The following LUC7L variants were observed in gnomAD, a reference collection of about 807,000 sequenced individuals.
The protein encoded by LUC7L is putative RNA-binding protein Luc7-like 1.
Under a neutral mutation model 51.1 loss-of-function variants are expected in LUC7L, and 29 were observed. The observed-to-expected ratio is 0.57, with a 90% CI of 0.42 to 0.77. The LOEUF (loss-of-function observed/expected upper bound fraction) is 0.77, where lower values mean the gene tolerates loss of function less well. Among genes scored for constraint, LUC7L ranks in the 30% least tolerant of loss-of-function variants. The probability of loss-of-function intolerance (pLI) is 0.00; values close to 1 mark genes in which losing one functional copy is unlikely to be tolerated. For synonymous variants in LUC7L, 181 were observed against 180.7 expected, an observed-to-expected ratio of 1.00 and a Z score of -0.01; for missense variants, 403 against 511.9, an observed-to-expected ratio of 0.79 and a Z score of 2.05.
chr16:222,520 C>T (rs891220380), intron 2 of LUC7L, among the ~76,000 whole-genome samples: 1 of 151,928 alleles, frequency 6.6e-6, no homozygotes, highest in African/African-American at 2.4e-5. Context: ...TGCCTGTAGT[C>T]CCAGCCACTT....
chr16:225,966 G>A (rs748888960), intron 2 of LUC7L, among the ~76,000 whole-genome samples: 1 of 151,012 alleles, frequency 6.6e-6, no homozygotes, highest in African/African-American at 2.4e-5. Context: ...TTCACTATGG[G>A]TTTATCAAGA....
In LUC7L at chr16:206,097, T is replaced by A. The variant is rs1463698803; in HGVS notation, c.417A>T (p.Lys139Asn). Reference protein sequence around the residue: ...LNEEIGKLLAKAEQLGAEGNV... With the variant: ...LNEEIGKLLANAEQLGAEGNV... The stretch of plus-strand genomic sequence containing the variant: ...TACCTTCAGCCCCTAGCTGTTCGGC[T>A]TTAGCAAGGAGTTTTCCTATTTCTT... The change falls in exon 5 of 10, where the codon AAA becomes AAT. Residue 139 changes from lysine (K) to asparagine (N), a missense_variant. By Grantham distance (94) the Lys-to-Asn change is moderately conservative. Transcript: ENST00000293872. The A allele has an allele frequency of 1.2e-6, 2 of 1,613,786 alleles. No homozygotes were observed. Among genetic ancestry groups the A allele is most frequent in the Non-Finnish European group, 1.7e-6 (2 of 1,179,946 alleles).
At chr16:217,718 A>G (rs891373721) in intron 3 of LUC7L, among the ~76,000 whole-genome samples, 4 of 127,490 alleles carry the variant, frequency 3.1e-5, no homozygotes, top group Non-Finnish European at 6.8e-5. Flanking sequence ...AAAAAAAAAA[A>G]AAATTTTTTT....
At chr16:219,474 A>C (rs976099652) in intron 3 of LUC7L, among the ~76,000 whole-genome samples, 16 of 152,204 alleles carry the variant, frequency 1.1e-4, no homozygotes, top group Admixed American at 1.0e-3. Context: ...CTAGCTATTT[A>C]GGAGACTGTG....
chr16:227,864 C>T (rs1213191346), intron 1 of LUC7L: 8 of 1,000,490 alleles, frequency 8.0e-6, no homozygotes, highest in Non-Finnish European at 8.4e-6. Flanking sequence ...ACGTCCCTTT[C>T]GTTCCCACCC....
intron 3 of LUC7L, 30 bp from the exon 4 acceptor site, chr16:208,218 CA>C: frequency 6.8e-7 from 1 of 1,477,250 alleles, no homozygotes; most frequent in Non-Finnish European, 9.5e-7. Flanking sequence ...GCGCTATAAT[CA>C]ATGATGTGTA....
chr16:189,248 C>A lies in LUC7L; in HGVS notation c.1066G>T (p.Gly356Trp). 9 of 1,614,048 alleles carry A rather than the reference C, an allele frequency of 5.6e-6. No individual in the cohort carries two copies. Among genetic ancestry groups the A allele is most frequent in the Non-Finnish European group, 7.6e-6 (9 of 1,180,004 alleles). ...TCTGACCTCCGTGAAGCCATCTTCC[C>A]GTTGGAGCTCTCAAGCCTCCAGTCC... The part of the protein sequence containing the change: ...PPDWRLESSN[G>W]KMASRRSEEK... Residue 356 changes from glycine to tryptophan, a missense_variant, in exon 10 of 10, where the codon GGG (glycine) becomes TGG (tryptophan). By Grantham distance (184) the Gly-to-Trp change is radical (BLOSUM62 -2). Coordinates refer to ENST00000293872, the MANE Select transcript of LUC7L (RefSeq NM_201412.3).
intron 2 of LUC7L, among the ~76,000 whole-genome samples, chr16:224,196 C>G (rs1019428491): frequency 1.3e-5 from 2 of 152,144 alleles, no homozygotes; most frequent in African/African-American, 2.4e-5. Flanking sequence ...TTATAAAAAA[C>G]TCAACTGTCA....
At position 220,527 on chromosome 16, in the gene LUC7L, G is replaced by A. The variant is rs1251618708; in HGVS notation, c.255+122C>T. 2.6e-5 allele frequency: 19 copies of A among 726,984 alleles called. No individual in the cohort carries two copies. The South Asian group carries it at 2.8e-4, about 11-fold the overall frequency. The allele number at this position is 726,984 out of a possible 1,614,324, so 45.0% of individuals were successfully genotyped here. A position where few individuals can be genotyped will look rare whatever the true frequency, so the allele number is the denominator to read the frequency against. ...CTGTATTCTAGCTCTGAGCTTGAGT[G>A]GCAGGATAACAAGCAACTACCTTAT... is the stretch of plus-strand genomic sequence containing the variant. On this transcript the variant is annotated intron_variant, in intron 3 of 9. Coordinates refer to ENST00000293872, the MANE Select transcript of LUC7L (RefSeq NM_201412.3).
intron 5 of LUC7L, among the ~76,000 whole-genome samples, chr16:201,170 G>GA (rs36033830): frequency 0.73 from 51,341 of 70,254 alleles, 18,395 homozygotes; most frequent in South Asian, 0.8. Flanking sequence ...CTCTGTCTGA[G>GA]AAAAAAAAAA....
intron 6 of LUC7L, among the ~76,000 whole-genome samples, chr16:194,958 C>T (rs1166472807): frequency 3.3e-5 from 5 of 152,238 alleles, no homozygotes; most frequent in South Asian, 4.2e-4. Context: ...CAGAGAGCCA[C>T]GATGGCATAA....
intron 2 of LUC7L, among the ~76,000 whole-genome samples, chr16:226,052 T>C (rs1189073934): frequency 6.6e-6 from 1 of 152,180 alleles, no homozygotes; most frequent in Non-Finnish European, 1.5e-5. Context: ...TAATCTGTAT[T>C]GACCTCGGTA....
chr16:229,066 C>T, intron 1 of LUC7L: 2 of 1,417,622 alleles, frequency 1.4e-6, no homozygotes, highest in Non-Finnish European at 1.8e-6. Context: ...ATGGCGCAGA[C>T]TCCGAGAGAG....
intron 5 of LUC7L, among the ~76,000 whole-genome samples, chr16:200,539 G>T (rs2049294359): frequency 6.6e-6 from 1 of 151,662 alleles, no homozygotes; most frequent in African/African-American, 2.4e-5. Flanking sequence ...TCACACCACT[G>T]CATTCCAACC....
intron 1 of LUC7L, 175 bp downstream of exon 1, chr16:229,104 C>T (rs966206946): frequency 6.4e-6 from 9 of 1,414,182 alleles, no homozygotes; most frequent in Non-Finnish European, 8.2e-6. Context: ...ACGGCCGCCT[C>T]AGAGACGCAC....
intron 5 of LUC7L, among the ~76,000 whole-genome samples, chr16:204,098 T>C (rs899939073): frequency 6.6e-6 from 1 of 151,778 alleles, no homozygotes; most frequent in African/African-American, 2.4e-5. Context: ...GGTAGAAATC[T>C]AACAAAACAT....
intron 1 of LUC7L, 137 bp downstream of exon 1, chr16:229,142 G>A (rs2050207909): frequency 2.1e-6 from 3 of 1,411,000 alleles, no homozygotes; most frequent in Admixed American, 3.3e-5. Context: ...CGGCGCCTGC[G>A]GTCGGAGCGC....
At chr16:219,835 C>T (rs985588610) in intron 3 of LUC7L, among the ~76,000 whole-genome samples, 2 of 151,442 alleles carry the variant, frequency 1.3e-5, no homozygotes, top group Admixed American at 6.6e-5. Context: ...CACTACTGCT[C>T]TCCAGCCTGA....
At position 220,718 on chromosome 16, in the gene LUC7L, G is replaced by A; in HGVS notation, c.186C>T (p.Ile62=). The change falls in exon 3 of 10, where the codon ATC becomes ATT. Residue 62 remains isoleucine (I), a synonymous_variant. Coordinates refer to ENST00000293872, the MANE Select transcript of LUC7L (RefSeq NM_201412.3). ...TRMDLGECTK[I]HDLALRADYE... ...AATCTGCTCGGAGGGCCAAGTCGTG[G>A]ATTTTGGTACATTCTCCTAAATCCA... 4 of 1,614,056 alleles carry A rather than the reference G, an allele frequency of 2.5e-6. No homozygotes were observed. The highest frequency in any genetic ancestry group is 2.5e-6 in the Non-Finnish European group (3 of 1,179,962).
Sources: gnomAD v4.1 joint callset for allele counts (sites outside exome capture counted in the v4.1 genomes callset) on GRCh38, gnomAD v4.1.1 for gene constraint, MANE v1.5 for transcripts, NCBI Gene and HGNC (gene_info 2026-07-23, HGNC 2026-07-21) for gene names.